The following MYOZ2 variants were observed in gnomAD, a reference collection of about 807,000 sequenced individuals.
MYOZ2 encodes the protein myozenin-2.
Under a neutral mutation model 25.4 loss-of-function variants are expected in MYOZ2, and 19 were observed. That is an observed-to-expected ratio of 0.75 (90% CI 0.52 to 1.10). The LOEUF (loss-of-function observed/expected upper bound fraction) is 1.10, where lower values mean the gene tolerates loss of function less well. MYOZ2 is among the 50% of genes least tolerant of loss of function. The pLI is 0.00. For missense variants in MYOZ2, 270 were observed against 317.9 expected (o/e 0.85, Z 1.15); for synonymous variants, 92 against 106.9 (o/e 0.86, Z 0.86).
intron 5 of MYOZ2, among the ~76,000 whole-genome samples, chr4:119,180,096 CAT>C (rs1375324236): frequency 1.3e-5 from 2 of 152,198 alleles, no homozygotes; most frequent in Non-Finnish European, 2.9e-5. Flanking sequence ...ATTGGGGAAT[CAT>C]GTGCTGTGTA....
At chr4:119,182,767 G>A (rs1270456896) in intron 5 of MYOZ2, among the ~76,000 whole-genome samples, 1 of 152,208 alleles carries the variant, frequency 6.6e-6, no homozygotes, top group Non-Finnish European at 1.5e-5. Context: ...CTTCTGCTGT[G>A]TGACCTGGTT....
At chr4:119,148,725 A>ATTTTTT (rs202187477) in intron 2 of MYOZ2, among the ~76,000 whole-genome samples, 7 of 67,126 alleles carry the variant, frequency 1.0e-4, no homozygotes, top group African/African-American at 3.2e-4. Context: ...CTCGACTGAG[A>ATTTTTT]TTTTTTTTTT....
At chr4:119,176,665 A>G (rs952575887) in intron 5 of MYOZ2, among the ~76,000 whole-genome samples, 1 of 152,240 alleles carries the variant, frequency 6.6e-6, no homozygotes, top group Non-Finnish European at 1.5e-5. Flanking sequence ...ATAACAAAAT[A>G]TGGGACCCTG....
chr4:119,141,347 T>C (rs1164329289), intron 2 of MYOZ2, among the ~76,000 whole-genome samples: 2 of 152,130 alleles, frequency 1.3e-5, no homozygotes, highest in Non-Finnish European at 2.9e-5. Context: ...ATGACACCAA[T>C]AAGAAAGTAC....
chr4:119,154,884 C>A (rs1561113786), intron 3 of MYOZ2, among the ~76,000 whole-genome samples: 2 of 151,762 alleles, frequency 1.3e-5, no homozygotes, highest in African/African-American at 4.8e-5. Flanking sequence ...CACACACACA[C>A]ACACACAATG....
At chr4:119,180,605 G>C (rs1316610218) in intron 5 of MYOZ2, among the ~76,000 whole-genome samples, 1 of 152,178 alleles carries the variant, frequency 6.6e-6, no homozygotes, top group Non-Finnish European at 1.5e-5. Flanking sequence ...CCATGCTGGA[G>C]TGCGGTGGTG....
intron 5 of MYOZ2, among the ~76,000 whole-genome samples, chr4:119,185,642 T>C (rs1742275699): frequency 6.6e-6 from 1 of 152,162 alleles, no homozygotes; most frequent in Non-Finnish European, 1.5e-5. Context: ...GGGGAAATAT[T>C]GTTGGTAAAA....
chr4:119,158,243 A>C, intron 4 of MYOZ2, 92 bp downstream of exon 4: 3 of 1,493,598 alleles, frequency 2.0e-6, no homozygotes, highest in Non-Finnish European at 2.8e-6. Flanking sequence ...AATAGTATTT[A>C]AATAATATAT....
chr4:119,170,908 T>G (rs1051750965), intron 5 of MYOZ2, among the ~76,000 whole-genome samples: 1 of 151,918 alleles, frequency 6.6e-6, no homozygotes, highest in Non-Finnish European at 1.5e-5. Context: ...ATTAAGAAAA[T>G]CTTAAAGCGA....
At chr4:119,175,638 G>A (rs981740230) in intron 5 of MYOZ2, among the ~76,000 whole-genome samples, 2 of 151,950 alleles carry the variant, frequency 1.3e-5, no homozygotes, top group African/African-American at 4.8e-5. Flanking sequence ...TGTAATCCTA[G>A]CTACTTGGGA....
In MYOZ2 at chr4:119,186,223, T is replaced by A. The variant is rs145073797; in HGVS notation, c.*23T>A. ...TGAAAAGAAAGTTGTATGTGCCACA[T>A]AAAACTCTGAATATAAAAGTTGCTG... On this transcript the variant is annotated 3_prime_UTR_variant, in exon 6 of 6. Transcript: ENST00000307128. 6.3e-7 allele frequency: 1 copy of A among 1,579,338 alleles called. No homozygotes were observed. Among genetic ancestry groups the A allele is most frequent in the East Asian group, 2.2e-5 (1 of 44,650 alleles).
chr4:119,153,013 T>C lies in MYOZ2; in HGVS notation c.246+1972T>C, dbSNP rs554349515. The stretch of plus-strand genomic sequence containing the variant: ...GAATCAGGAGACCAAGGTTTGGTCC[T>C]GGCTCTCCCACCAGCCATGTGATTT... On this transcript the variant is annotated intron_variant, in intron 3 of 5. Transcript: ENST00000307128. Among the ~76,000 whole-genome samples, 26 of 151,758 alleles carry C rather than the reference T, an allele frequency of 1.7e-4. No homozygotes were observed. The South Asian group carries it at 5.2e-3, about 30-fold the overall frequency.
At chr4:119,177,499 C>T (rs1393525486) in intron 5 of MYOZ2, among the ~76,000 whole-genome samples, 1 of 152,276 alleles carries the variant, frequency 6.6e-6, no homozygotes, top group East Asian at 1.9e-4. Context: ...ACAATTCACA[C>T]TTTCTTCTCA....
intron 5 of MYOZ2, among the ~76,000 whole-genome samples, chr4:119,180,769 T>C (rs901143714): frequency 6.6e-6 from 1 of 152,166 alleles, no homozygotes; most frequent in Non-Finnish European, 1.5e-5. Flanking sequence ...TTGGCCAGGC[T>C]GGTTTCGAAC....
chr4:119,167,222 T>C (rs1487819436), intron 5 of MYOZ2, among the ~76,000 whole-genome samples: 3 of 152,136 alleles, frequency 2.0e-5, no homozygotes, highest in South Asian at 2.1e-4. Flanking sequence ...ACATGAATGA[T>C]AAAATAGTAA....
chr4:119,182,088 C>T (rs1374876438), intron 5 of MYOZ2, among the ~76,000 whole-genome samples: 1 of 152,176 alleles, frequency 6.6e-6, no homozygotes. Context: ...ATAATAAAAA[C>T]TTCTTAAAAG....
intron 4 of MYOZ2, 51 bp downstream of exon 4, chr4:119,158,202 A>G: frequency 6.3e-7 from 1 of 1,592,692 alleles, no homozygotes; most frequent in African/African-American, 1.3e-5. Flanking sequence ...GTACCTAATG[A>G]TATGACTCAA....
intron 4 of MYOZ2, among the ~76,000 whole-genome samples, chr4:119,160,871 A>T (rs1041319725): frequency 1.3e-5 from 2 of 151,966 alleles, no homozygotes; most frequent in Non-Finnish European, 2.9e-5. Context: ...TGTTGGAAGT[A>T]TTCAATATCC....
At position 119,150,996 on chromosome 4, in the gene MYOZ2, A is replaced by G. The variant is rs771143212; in HGVS notation, c.201A>G (p.Lys67=). ...LFKMRQRRSD[K]YTFENFQYQS... ...AGATGCGTCAAAGAAGATCTGACAA[A>G]TACACATTTGAAAATTTCCAGTATC... The change falls in exon 3 of 6, where the codon AAA becomes AAG. Residue 67 remains lysine (K), a synonymous_variant. Coordinates refer to ENST00000307128, the MANE Select transcript of MYOZ2 (RefSeq NM_016599.5). 1 of 1,613,640 alleles carries G rather than the reference A, an allele frequency of 6.2e-7. No individual in the cohort carries two copies.
Sources: gnomAD v4.1 joint callset for allele counts (sites outside exome capture counted in the v4.1 genomes callset) on GRCh38, gnomAD v4.1.1 for gene constraint, MANE v1.5 for transcripts, NCBI Gene and HGNC (gene_info 2026-07-23, HGNC 2026-07-21) for gene names.